PPM1E: variants seen among roughly 807,000 people sequenced by gnomAD.
The protein encoded by PPM1E is protein phosphatase, Mg2+/Mn2+ dependent 1E.
In PPM1E, 20 loss-of-function variants were observed where a neutral mutation model predicts 65.9. The observed-to-expected ratio is 0.30, with a 90% CI of 0.21 to 0.44. The LOEUF is 0.44. PPM1E is among the 20% of genes least tolerant of loss of function. The pLI, the probability that PPM1E is intolerant of heterozygous loss-of-function variation, is 1.00. For missense variants in PPM1E, 713 were observed against 953.1 expected, an observed-to-expected ratio of 0.75 and a Z score of 3.32; for synonymous variants, 352 against 374.9, an observed-to-expected ratio of 0.94 and a Z score of 0.70.
chr17:58,876,628 T>C (rs560768569), intron 1 of PPM1E, among the ~76,000 whole-genome samples: 2 of 152,290 alleles, frequency 1.3e-5, no homozygotes, highest in African/African-American at 4.8e-5. Flanking sequence ...ATTTATGGAA[T>C]GGTAAATTAG....
intron 1 of PPM1E, among the ~76,000 whole-genome samples, chr17:58,845,979 C>G (rs932726545): frequency 6.6e-6 from 1 of 152,158 alleles, no homozygotes; most frequent in Non-Finnish European, 1.5e-5. Flanking sequence ...CCGTGCCCAG[C>G]CAAAATTTAT....
At chr17:58,763,173 T>C (rs937746466) in intron 1 of PPM1E, among the ~76,000 whole-genome samples, 5 of 152,108 alleles carry the variant, frequency 3.3e-5, no homozygotes, top group African/African-American at 1.2e-4. Context: ...ATTTCTTGCT[T>C]ATATAGAGTT....
intron 1 of PPM1E, among the ~76,000 whole-genome samples, chr17:58,841,992 C>G (rs2050724479): frequency 1.3e-5 from 2 of 152,268 alleles, no homozygotes; most frequent in South Asian, 4.1e-4. Flanking sequence ...TAGGCATGAG[C>G]TGCTGTGCCT....
chr17:58,787,079 G>A (rs2050107607), intron 1 of PPM1E, among the ~76,000 whole-genome samples: 1 of 152,182 alleles, frequency 6.6e-6, no homozygotes, highest in South Asian at 2.1e-4. Flanking sequence ...CTGGCTGTGG[G>A]TCAGGCAATG....
chr17:58,974,651 T>C (rs2030882814), intron 6 of PPM1E, among the ~76,000 whole-genome samples: 1 of 152,224 alleles, frequency 6.6e-6, no homozygotes, highest in Admixed American at 6.5e-5. Context: ...ACATGTATAC[T>C]GCAGTTTTTA....
rs548243436 is a variant in PPM1E at position 58,910,409 on chromosome 17, G to A, written c.465-45240G>A. 3.9e-5 allele frequency among the ~76,000 whole-genome samples: 6 copies of A among 151,954 alleles called. No homozygotes were observed. The South Asian group carries it at 6.2e-4, about 16-fold the overall frequency. On this transcript the variant is annotated intron_variant, in intron 1 of 6. Coordinates refer to ENST00000308249, the MANE Select transcript of PPM1E (RefSeq NM_014906.5). ...CCATCTCTTTTTGCATGTTGTCTAC[G>A]TTATCCATTAGAGCCCTTAGCATAT...
chr17:58,804,519 G>A (rs989986383), intron 1 of PPM1E, among the ~76,000 whole-genome samples: 1 of 152,108 alleles, frequency 6.6e-6, no homozygotes, highest in Non-Finnish European at 1.5e-5. Flanking sequence ...AGATAGGGAA[G>A]GGGGATGGCA....
intron 1 of PPM1E, among the ~76,000 whole-genome samples, chr17:58,942,192 C>T (rs924763072): frequency 1.3e-5 from 2 of 151,890 alleles, no homozygotes; most frequent in Non-Finnish European, 2.9e-5. Context: ...TCGAGACTAG[C>T]CTGGGCAACA....
At chr17:58,804,614 A>C (rs566438742) in intron 1 of PPM1E, among the ~76,000 whole-genome samples, 5 of 152,300 alleles carry the variant, frequency 3.3e-5, no homozygotes, top group Admixed American at 3.3e-4. Context: ...AAGATATTCC[A>C]TCTACTTTTT....
At chr17:58,788,371 T>A (rs1221206661) in intron 1 of PPM1E, among the ~76,000 whole-genome samples, 1 of 152,154 alleles carries the variant, frequency 6.6e-6, no homozygotes, top group Non-Finnish European at 1.5e-5. Flanking sequence ...AGTTAGAGTG[T>A]ATACAGATTA....
At chr17:58,922,026 C>T (rs1183075) in intron 1 of PPM1E, among the ~76,000 whole-genome samples, 22 of 144,516 alleles carry the variant, frequency 1.5e-4, no homozygotes, top group African/African-American at 4.9e-4. Context: ...GGCAACAGAG[C>T]GAGACTCCAT....
In PPM1E at chr17:58,982,625, A is replaced by C; in HGVS notation, c.*1594A>C. ...CCAGTATAGCTATATCAAATAGACA[A>C]AAACAGCTTCACTTTAGCAATGATC... On this transcript the variant is annotated 3_prime_UTR_variant, in exon 7 of 7. Transcript: ENST00000308249. 1 of 409,142 alleles carries C rather than the reference A, an allele frequency of 2.4e-6. No individual in the cohort carries two copies. The highest frequency in any genetic ancestry group is 4.4e-6 in the Non-Finnish European group (1 of 226,848). 25.3% of individuals were successfully genotyped at this position (409,142 alleles called of 1,614,324 possible).
intron 1 of PPM1E, among the ~76,000 whole-genome samples, chr17:58,805,990 CAAAA>C (rs1567838947): frequency 9.1e-4 from 65 of 71,360 alleles, no homozygotes; most frequent in Non-Finnish European, 1.5e-3. Flanking sequence ...AAAAACAAAA[CAAAA>C]CAAAACAAAA....
At chr17:58,801,023 A>G (rs906152290) in intron 1 of PPM1E, among the ~76,000 whole-genome samples, 2 of 152,118 alleles carry the variant, frequency 1.3e-5, no homozygotes, top group Non-Finnish European at 2.9e-5. Context: ...GGGTCAGAGA[A>G]CATACCCTAT....
chr17:58,769,756 G>A (rs2049917693), intron 1 of PPM1E, among the ~76,000 whole-genome samples: 1 of 152,118 alleles, frequency 6.6e-6, no homozygotes, highest in Non-Finnish European at 1.5e-5. Context: ...GCCAGGTGTG[G>A]TGGCTCATGC....
At chr17:58,835,713 T>A (rs1272222230) in intron 1 of PPM1E, among the ~76,000 whole-genome samples, 3 of 151,408 alleles carry the variant, frequency 2.0e-5, no homozygotes, top group Non-Finnish European at 1.5e-5. Context: ...CAAAAAATTT[T>A]AAAAAATTAG....
chr17:58,845,713 G>A (rs1469291892), intron 1 of PPM1E, among the ~76,000 whole-genome samples: 4 of 152,122 alleles, frequency 2.6e-5, no homozygotes, highest in South Asian at 2.1e-4. Flanking sequence ...ACAGAGTCTC[G>A]CTCTGTCGCT....
intron 1 of PPM1E, among the ~76,000 whole-genome samples, chr17:58,787,649 C>G (rs1325704320): frequency 2.6e-5 from 4 of 151,970 alleles, no homozygotes; most frequent in Non-Finnish European, 4.4e-5. Flanking sequence ...TGGCTCACAC[C>G]TGTAATCCCA....
chr17:58,850,897 G>A (rs542151856), intron 1 of PPM1E, among the ~76,000 whole-genome samples: 5 of 152,226 alleles, frequency 3.3e-5, no homozygotes, highest in African/African-American at 4.8e-5. Context: ...CATTCTCCCC[G>A]TCACTTTCAG....
Sources: allele counts gnomAD v4.1 joint callset (sites outside exome capture counted in the v4.1 genomes callset), GRCh38; gene constraint gnomAD v4.1.1; transcripts MANE v1.5; gene names NCBI Gene and HGNC (gene_info 2026-07-23, HGNC 2026-07-21).